AVEN: variants seen among roughly 807,000 people sequenced by gnomAD.
The protein encoded by AVEN is apoptosis and caspase activation inhibitor.
Under a neutral mutation model 38.1 loss-of-function variants are expected in AVEN, and 41 were observed. That is an observed-to-expected ratio of 1.08 (90% confidence interval 0.84 to 1.40). The LOEUF is 1.40. Ranked by LOEUF, AVEN falls within the 40% of genes most tolerant of loss-of-function variation. The pLI is 0.00. For missense variants in AVEN, 605 were observed against 438.8 expected (o/e 1.38, Z -3.38); for synonymous variants, 206 against 171.8 (o/e 1.20, Z -1.56).
chr15:33,875,582 AATTTT>A (rs1891189512), intron 3 of AVEN, among the ~76,000 whole-genome samples: 1 of 152,234 alleles, frequency 6.6e-6, no homozygotes, highest in Non-Finnish European at 1.5e-5. Context: ...ACAGAAAACT[AATTTT>A]CAACTCTCAA....
At chr15:33,888,127 T>C (rs1319786002) in intron 2 of AVEN, among the ~76,000 whole-genome samples, 2 of 152,152 alleles carry the variant, frequency 1.3e-5, no homozygotes, top group Non-Finnish European at 2.9e-5. Flanking sequence ...AATATAAAGC[T>C]ACACAGAAAG....
intron 2 of AVEN, among the ~76,000 whole-genome samples, chr15:33,992,399 G>A (rs12593168): frequency 0.084 from 12,689 of 150,362 alleles, 643 homozygotes; most frequent in South Asian, 0.2. Context: ...CAAAAAAAAA[G>A]AAAAAAGAAA....
Position 34,062,380 on chromosome 15 carries a change from C to T in AVEN, n.1637+542G>A, listed in dbSNP as rs190058842. Among the ~76,000 whole-genome samples the T allele has an allele frequency of 2.0e-3, 299 of 152,008 alleles. 1 individual carries two copies. The highest frequency in any genetic ancestry group is 6.8e-3 in the African/African-American group (281 of 41,472). ...ACCATCCCGCCTAACACAGTGAAAC[C>T]CCGTCTCTACTAAAAATACAAAAAA... is the stretch of plus-strand genomic sequence containing the variant. On this transcript the variant is annotated intron_variant and non_coding_transcript_variant, in intron 5 of 11. Transcript: ENST00000675287.
At chr15:33,963,118 T>G (rs1023648250) in intron 2 of AVEN, among the ~76,000 whole-genome samples, 1 of 152,106 alleles carries the variant, frequency 6.6e-6, no homozygotes, top group Non-Finnish European at 1.5e-5. Context: ...ATGGCAGGAC[T>G]AAATTATCTC....
rs16958323 is a variant in AVEN at position 33,911,189 on chromosome 15, G to A, written c.446-35194C>T. On this transcript the variant is annotated intron_variant, in intron 2 of 5. Coordinates refer to ENST00000306730, the MANE Select transcript of AVEN (RefSeq NM_020371.3). Reference sequence around the variant, plus strand: ...CATCACTCACAGTATCAAAACCACCGCTGCCAATACCATATTAAGTAGGAG... The same window carrying A: ...CATCACTCACAGTATCAAAACCACCACTGCCAATACCATATTAAGTAGGAG... Among the ~76,000 whole-genome samples, 1,474 of 152,172 alleles carry A rather than the reference G, an allele frequency of 9.7e-3. 27 individuals carry two copies. Among genetic ancestry groups the A allele is most frequent in the African/African-American group, 0.034 (1,403 of 41,518 alleles).
At chr15:34,051,476 A>G (rs1489874296) in intron 5 of AVEN, among the ~76,000 whole-genome samples, 1 of 152,258 alleles carries the variant, frequency 6.6e-6, no homozygotes, top group Non-Finnish European at 1.5e-5. Context: ...GAAGATGACA[A>G]GAAATAACTA....
downstream of AVEN, chr15:33,854,890 C>G: frequency 6.2e-7 from 1 of 1,611,936 alleles, no homozygotes. Flanking sequence ...ATTCTGTCAT[C>G]TGTAACTCAC....
At chr15:33,961,031 T>TG (rs1895141017) in intron 2 of AVEN, among the ~76,000 whole-genome samples, 1 of 152,334 alleles carries the variant, frequency 6.6e-6, no homozygotes, top group African/African-American at 2.4e-5. Context: ...GACAGAGTCT[T>TG]GCTCTGCTGT....
chr15:33,864,750 G>GAGGT (rs1212588865), downstream of AVEN: 2 of 195,770 alleles, frequency 1.0e-5, no homozygotes, highest in Admixed American at 1.1e-4. Flanking sequence ...TTCAATGGGA[G>GAGGT]AGGTACCTGG....
In AVEN at chr15:33,952,752, A is replaced by G. The variant is rs192920388; in HGVS notation, c.445+50280T>C. On this transcript the variant is annotated intron_variant, in intron 2 of 5. Transcript: ENST00000306730. ...TGGACAAGAATTTACCAATCAACCAATAAGTATGTCTGAATGCCTAATAGG... is the reference window on the plus strand; with the variant it reads ...TGGACAAGAATTTACCAATCAACCAGTAAGTATGTCTGAATGCCTAATAGG... 2.1e-4 allele frequency among the ~76,000 whole-genome samples: 32 copies of G among 152,206 alleles called. 1 individual carries two copies. The East Asian group carries it at 2.5e-3, about 12-fold the overall frequency.
At chr15:33,953,386 C>T (rs1006674314) in intron 2 of AVEN, among the ~76,000 whole-genome samples, 21 of 152,174 alleles carry the variant, frequency 1.4e-4, no homozygotes, top group Admixed American at 3.3e-4. Context: ...TGACTTCAAA[C>T]TATACTACAA....
At chr15:33,963,315 A>G (rs1895269721) in intron 2 of AVEN, among the ~76,000 whole-genome samples, 1 of 152,206 alleles carries the variant, frequency 6.6e-6, no homozygotes, top group Non-Finnish European at 1.5e-5. Context: ...CTAACAGACA[A>G]GAGATCCAAG....
intron 2 of AVEN, among the ~76,000 whole-genome samples, chr15:33,941,720 T>C (rs1026615182): frequency 3.9e-5 from 6 of 152,074 alleles, no homozygotes; most frequent in Non-Finnish European, 8.8e-5. Flanking sequence ...GAAGAAAATC[T>C]ATTAAAAACA....
Position 33,866,634 on chromosome 15 carries a change from C to T in AVEN, c.1068G>A (p.Trp356Ter), listed in dbSNP as rs1453198050. 6.2e-7 allele frequency: 1 copy of T among 1,613,906 alleles called. No individual in the cohort carries two copies. The highest frequency in any genetic ancestry group is 8.5e-7 in the Non-Finnish European group (1 of 1,179,864). Residue 356 changes from tryptophan (W) to a stop codon, truncating the protein, a stop_gained, in exon 6 of 6, where the codon TGG becomes TGA. Coordinates refer to ENST00000306730, the MANE Select transcript of AVEN (RefSeq NM_020371.3). LOFTEE classifies it high-confidence loss of function. ...CTTTTTAGGAAATCATGCTGTCCAA[C>T]CAGTCTTCCAGCTCTTCCTCGGTAA... ...KNVTEEELED[W>*]LDSMIS is the part of the protein sequence containing the mutation.
chr15:33,975,440 T>C (rs114760994), intron 2 of AVEN, among the ~76,000 whole-genome samples: 1 of 152,198 alleles, frequency 6.6e-6, no homozygotes, highest in Non-Finnish European at 1.5e-5. Context: ...AACTAAGACC[T>C]AGGATTCAAA....
downstream of AVEN, chr15:33,858,082 A>T (rs1014632602): frequency 2.3e-5 from 21 of 910,208 alleles, no homozygotes; most frequent in South Asian, 1.2e-4. Flanking sequence ...CAAACAGGAG[A>T]GTGTCCTGGG....
chr15:33,949,198 C>A (rs1397671427), intron 2 of AVEN, among the ~76,000 whole-genome samples: 2 of 151,552 alleles, frequency 1.3e-5, no homozygotes, highest in African/African-American at 4.9e-5. Context: ...TAATTTTTTG[C>A]ATTTTTTTTA....
chr15:33,888,756 G>T (rs28551586), intron 2 of AVEN, among the ~76,000 whole-genome samples: 5,946 of 150,940 alleles, frequency 0.039, 248 homozygotes, highest in African/African-American at 0.11. Flanking sequence ...TTCTTTTTTT[G>T]TGTGTGTGTG....
intron 2 of AVEN, among the ~76,000 whole-genome samples, chr15:33,975,996 A>T: frequency 6.6e-6 from 1 of 152,186 alleles, no homozygotes; most frequent in East Asian, 1.9e-4. Context: ...TTCACCTAAC[A>T]ACATTATACC....
Sources: allele counts gnomAD v4.1 joint callset (sites outside exome capture counted in the v4.1 genomes callset), GRCh38; gene constraint gnomAD v4.1.1; transcripts MANE v1.5; gene names NCBI Gene and HGNC (gene_info 2026-07-23, HGNC 2026-07-21).